Variants in ZFAND3 observed in about 807,000 individuals in gnomAD.
ZFAND3 encodes AN1-type zinc finger protein 3.
ZFAND3 carries 10 observed loss-of-function variants against 29.6 expected under a neutral mutation model. The ratio of observed to expected loss-of-function variants is 0.34; its 90% CI spans 0.21 to 0.57. The LOEUF (loss-of-function observed/expected upper bound fraction) is 0.57, where lower values mean the gene tolerates loss of function less well. ZFAND3 is among the 20% of genes least tolerant of loss of function. The pLI is 0.86. For synonymous variants in ZFAND3, 128 were observed against 112.6 expected, an observed-to-expected ratio of 1.14 and a Z score of -0.87; for missense variants, 230 against 304.5, an observed-to-expected ratio of 0.76 and a Z score of 1.82.
intron 1 of ZFAND3, among the ~76,000 whole-genome samples, chr6:37,889,633 T>C (rs1765057940): frequency 6.6e-6 from 1 of 152,226 alleles, no homozygotes; most frequent in Non-Finnish European, 1.5e-5. Flanking sequence ...TGCATTAGCC[T>C]GTGAGACCCA....
At chr6:38,045,054 T>TTTATTTATTTATTTA (rs1763869687) in intron 2 of ZFAND3, among the ~76,000 whole-genome samples, 16 of 134,738 alleles carry the variant, frequency 1.2e-4, no homozygotes, top group African/African-American at 3.0e-4. Context: ...GTGGAAATTC[T>TTTATTTATTTATTTA]TTTATTTATT....
chr6:37,982,609 A>ACTGTGCTGCC (rs760852939), intron 2 of ZFAND3, among the ~76,000 whole-genome samples: 2 of 152,190 alleles, frequency 1.3e-5, no homozygotes, highest in Non-Finnish European at 1.5e-5. Flanking sequence ...AAGTATATCT[A>ACTGTGCTGCC]CTGTGCTGCC....
intron 1 of ZFAND3, among the ~76,000 whole-genome samples, chr6:37,847,316 C>G (rs1342442780): frequency 1.3e-5 from 2 of 152,142 alleles, no homozygotes; most frequent in Non-Finnish European, 2.9e-5. Flanking sequence ...TTGCTCCCGC[C>G]TGTAATCCCA....
At chr6:37,989,361 A>G (rs1304151844) in intron 2 of ZFAND3, among the ~76,000 whole-genome samples, 1 of 152,224 alleles carries the variant, frequency 6.6e-6, no homozygotes, top group African/African-American at 2.4e-5. Context: ...GGGAAGTCCA[A>G]GATTACATGC....
intron 1 of ZFAND3, among the ~76,000 whole-genome samples, chr6:37,825,095 G>A (rs2127364792): frequency 6.6e-6 from 1 of 152,290 alleles, no homozygotes; most frequent in Admixed American, 6.5e-5. Context: ...TACTGTCACT[G>A]TGTAGATCAT....
chr6:37,840,673 C>T (rs537562727), intron 1 of ZFAND3, among the ~76,000 whole-genome samples: 4 of 152,278 alleles, frequency 2.6e-5, no homozygotes, highest in South Asian at 2.1e-4. Context: ...TGGGGAATGT[C>T]TCCATATTAA....
intron 4 of ZFAND3, among the ~76,000 whole-genome samples, chr6:38,108,944 G>A (rs1765260666): frequency 6.6e-6 from 1 of 152,128 alleles, no homozygotes; most frequent in Non-Finnish European, 1.5e-5. Context: ...CTATATGTTT[G>A]AAATTTTTAA....
At position 37,819,844 on chromosome 6, in the gene ZFAND3, CCCCGAG is replaced by C; in HGVS notation, c.-98_-93del. ...CGCCCGCTCCTTCCCCCTCCCCCCGCCCCGAGCCCCCCGACGCCGCCGCCACCGCCT... is the reference window on the plus strand; with the variant it reads ...CGCCCGCTCCTTCCCCCTCCCCCCGCCCCCCCGACGCCGCCGCCACCGCCT... On this transcript the variant is annotated 5_prime_UTR_variant, in exon 1 of 6. Coordinates refer to ENST00000287218, the MANE Select transcript of ZFAND3 (RefSeq NM_021943.3). The C allele has an allele frequency of 4.2e-6, 3 of 711,238 alleles. No homozygotes were observed. The highest frequency in any genetic ancestry group is 5.4e-6 in the Non-Finnish European group (3 of 550,486). 44.1% of individuals were successfully genotyped at this position (711,238 alleles called of 1,614,324 possible). A position where few individuals can be genotyped will look rare whatever the true frequency, so the allele number is the denominator to read the frequency against.
chr6:37,919,853 C>T (rs1273883478), intron 1 of ZFAND3, among the ~76,000 whole-genome samples: 1 of 152,132 alleles, frequency 6.6e-6, no homozygotes. Context: ...TTAGAGTTGG[C>T]TTGACATCCT....
intron 2 of ZFAND3, chr6:38,003,919 G>A (rs1372163770): frequency 9.5e-6 from 3 of 316,078 alleles, no homozygotes; most frequent in Non-Finnish European, 1.3e-5. Flanking sequence ...ATCACCTTCT[G>A]TCGTCCGAAT....
At chr6:38,047,419 C>T (rs904726448) in intron 2 of ZFAND3, among the ~76,000 whole-genome samples, 3 of 151,938 alleles carry the variant, frequency 2.0e-5, no homozygotes, top group African/African-American at 7.3e-5. Context: ...AATATAGTAT[C>T]TTTATTCCTT....
chr6:38,079,314 TTACTG>T (rs1561991471), intron 3 of ZFAND3, among the ~76,000 whole-genome samples: 1 of 152,192 alleles, frequency 6.6e-6, no homozygotes, highest in Non-Finnish European at 1.5e-5. Context: ...CATTTGTACT[TTACTG>T]TAATATAGTG....
At chr6:37,863,000 A>G (rs1000351219) in intron 1 of ZFAND3, among the ~76,000 whole-genome samples, 1 of 151,486 alleles carries the variant, frequency 6.6e-6, no homozygotes, top group Non-Finnish European at 1.5e-5. Context: ...TTGCTCAGCT[A>G]CTCACCCAAA....
intron 2 of ZFAND3, among the ~76,000 whole-genome samples, chr6:38,045,097 T>TTGATTG (rs1561978675): frequency 3.6e-4 from 54 of 148,516 alleles, no homozygotes; most frequent in African/African-American, 1.3e-3. Context: ...TTTATTTATT[T>TTGATTG]ATTTATTGAG....
At chr6:37,948,591 T>A (rs1167815289) in intron 2 of ZFAND3, among the ~76,000 whole-genome samples, 1 of 152,216 alleles carries the variant, frequency 6.6e-6, no homozygotes, top group African/African-American at 2.4e-5. Context: ...ATAAATAGTT[T>A]TTTGATCCTC....
In ZFAND3 at chr6:37,978,848, A is replaced by G. The variant is rs1762532959; in HGVS notation, c.112+48849A>G. 2.0e-5 allele frequency among the ~76,000 whole-genome samples: 3 copies of G among 152,192 alleles called. No homozygotes were observed. In the East Asian group the frequency reaches 5.8e-4, roughly 29 times the overall value. Reference sequence around the variant, plus strand: ...CTGGGCTAATTTTTGTATTTTTAGTAGAGATGGGGTTTTACCATGTTGGCC... The same window carrying G: ...CTGGGCTAATTTTTGTATTTTTAGTGGAGATGGGGTTTTACCATGTTGGCC... On this transcript the variant is annotated intron_variant, in intron 2 of 5. Coordinates refer to ENST00000287218, the MANE Select transcript of ZFAND3 (RefSeq NM_021943.3).
chr6:37,948,756 C>T (rs763255449), intron 2 of ZFAND3, among the ~76,000 whole-genome samples: 1 of 152,208 alleles, frequency 6.6e-6, no homozygotes, highest in African/African-American at 2.4e-5. Flanking sequence ...ACTTCCAGCT[C>T]CATCCATGTT....
At chr6:38,111,534 CCTT>C (rs1379910922) in intron 4 of ZFAND3, among the ~76,000 whole-genome samples, 5 of 152,188 alleles carry the variant, frequency 3.3e-5, no homozygotes, top group African/African-American at 1.2e-4. Context: ...CCCCACTCCT[CCTT>C]CGTCTCCTCC....
intron 5 of ZFAND3, among the ~76,000 whole-genome samples, chr6:38,124,671 C>T (rs991439848): frequency 2.0e-5 from 3 of 152,182 alleles, no homozygotes; most frequent in South Asian, 4.1e-4. Flanking sequence ...AAGCGCCGCG[C>T]GCAGCCCAGG....
Sources: gnomAD v4.1 joint callset for allele counts (sites outside exome capture counted in the v4.1 genomes callset) on GRCh38, gnomAD v4.1.1 for gene constraint, MANE v1.5 for transcripts, NCBI Gene and HGNC (gene_info 2026-07-23, HGNC 2026-07-21) for gene names.